LRP2BP: variants seen among roughly 807,000 people sequenced by gnomAD.
The protein encoded by LRP2BP is LRP2 binding protein.
Under a neutral mutation model 45.2 loss-of-function variants are expected in LRP2BP, and 38 were observed. The observed-to-expected ratio is 0.84, with a 90% CI of 0.65 to 1.10. The LOEUF is 1.10. Among genes scored for constraint, LRP2BP ranks in the 50% least tolerant of loss-of-function variants. The pLI is 0.00. For synonymous variants in LRP2BP, 153 were observed against 153.9 expected (o/e 0.99, Z 0.04); for missense variants, 385 against 418.9 (o/e 0.92, Z 0.71).
At chr4:185,386,583 CTGTGCTT>C (rs1179973848) in intron 1 of LRP2BP, among the ~76,000 whole-genome samples, 1 of 152,180 alleles carries the variant, frequency 6.6e-6, no homozygotes, top group Non-Finnish European at 1.5e-5. Context: ...CCAGCCATTT[CTGTGCTT>C]TGGAAAAGCT....
intron 1 of LRP2BP, among the ~76,000 whole-genome samples, chr4:185,393,863 T>TAAACC (rs1156740240): frequency 5.9e-5 from 9 of 152,124 alleles, no homozygotes; most frequent in Non-Finnish European, 1.2e-4. Context: ...AAGTACTAGG[T>TAAACC]TTAGTATTGC....
intron 1 of LRP2BP, among the ~76,000 whole-genome samples, chr4:185,387,356 A>G (rs1198041918): frequency 6.6e-6 from 1 of 152,254 alleles, no homozygotes; most frequent in Non-Finnish European, 1.5e-5. Context: ...TGGAAATGCC[A>G]CACAATGTAC....
At chr4:185,386,707 G>T (rs976436373) in intron 1 of LRP2BP, among the ~76,000 whole-genome samples, 2 of 152,048 alleles carry the variant, frequency 1.3e-5, no homozygotes, top group Non-Finnish European at 2.9e-5. Context: ...TGGACCTTAA[G>T]AGACTACACC....
In LRP2BP at chr4:185,370,734, C is replaced by A. The variant is rs996962500; in HGVS notation, c.884G>T (p.Gly295Val). Residue 295 changes from glycine (G) to valine (V), a missense_variant, in exon 8 of 9, where the codon GGC becomes GTC. Physicochemically the swap from Gly to Val is moderately radical, Grantham distance 109. Coordinates refer to ENST00000505916, the MANE Select transcript of LRP2BP (RefSeq NM_001377440.1). ...TDCLPEFIGRGMAMASFYHAR... is the reference protein window; with the variant it reads ...TDCLPEFIGRVMAMASFYHAR... ...GTGGTAGAAGGATGCCATTGCCATG[C>A]CTCTGCCGATGAACTCCGGGAGACA... 5.0e-6 allele frequency: 8 copies of A among 1,613,972 alleles called. No homozygotes were observed. Among genetic ancestry groups the A allele is most frequent in the Non-Finnish European group, 6.8e-6 (8 of 1,180,038 alleles).
chr4:185,371,386 C>T (rs1391458122), intron 7 of LRP2BP, among the ~76,000 whole-genome samples: 3 of 151,550 alleles, frequency 2.0e-5, no homozygotes. Context: ...AAAAAAGATA[C>T]AAAAAATTAG....
At chr4:185,376,522 G>A (rs1194126794) in intron 3 of LRP2BP, among the ~76,000 whole-genome samples, 1 of 142,556 alleles carries the variant, frequency 7.0e-6, no homozygotes, top group Non-Finnish European at 1.5e-5. Flanking sequence ...TACAACTCCT[G>A]ACCTCAGGTG....
upstream of LRP2BP, chr4:185,396,610 T>C: frequency 2.4e-6 from 1 of 420,206 alleles, no homozygotes; most frequent in Non-Finnish European, 4.3e-6. Flanking sequence ...GCCTGACGCA[T>C]CCACAGCTGG....
chr4:185,394,495 G>C lies in LRP2BP; in HGVS notation c.-22+284C>G, dbSNP rs144585555. Among the ~76,000 whole-genome samples the C allele has an allele frequency of 1.5e-3, 228 of 152,270 alleles. 1 individual carries two copies. The highest frequency in any genetic ancestry group is 4.4e-3 in the African/African-American group (181 of 41,546). ...TGTAAAATGCAGATAATACCTATGA[G>C]CGTTAGTCTTGAGGCACAAGTGCTC... On this transcript the variant is annotated intron_variant, in intron 1 of 8. Transcript: ENST00000505916.
chr4:185,395,987 T>C (rs911278768), upstream of LRP2BP: 2 of 853,032 alleles, frequency 2.3e-6, no homozygotes, highest in African/African-American at 1.8e-5. Context: ...CAAAAAGCAG[T>C]GACGCACGCC....
rs758927819 is a variant in LRP2BP, at chr4:185,385,916, G to GGGGGGT, written c.-21-7710_-21-7709insACCCCC. Among the ~76,000 whole-genome samples the GGGGGGT allele has an allele frequency of 2.8e-4, 39 of 138,076 alleles. 1 individual carries two copies. Among genetic ancestry groups the GGGGGGT allele is most frequent in the South Asian group, 1.9e-3 (8 of 4,202 alleles). 90.6% of individuals were successfully genotyped at this position (138,076 alleles called of 152,430 possible). A position where few individuals can be genotyped will look rare whatever the true frequency, so the allele number is the denominator to read the frequency against. ...ACTCTGTCTCGGGGAGGGGGGGGGG[G>GGGGGGT]AGATAAAGAAATAACATCATCTTAT... On this transcript the variant is annotated intron_variant, in intron 1 of 8. Transcript: ENST00000505916.
At chr4:185,390,424 C>G (rs1178474784) in intron 1 of LRP2BP, among the ~76,000 whole-genome samples, 1 of 150,848 alleles carries the variant, frequency 6.6e-6, no homozygotes, top group East Asian at 1.9e-4. Flanking sequence ...GAGGCTGAGG[C>G]AGGAGAATCG....
chr4:185,378,806 T>A (rs1366507070), intron 1 of LRP2BP: 2 of 985,462 alleles, frequency 2.0e-6, no homozygotes, highest in Non-Finnish European at 2.4e-6. Flanking sequence ...TGGCCTAGGC[T>A]GAGGGTAGTG....
chr4:185,387,016 T>C (rs1002732414), intron 1 of LRP2BP, among the ~76,000 whole-genome samples: 2 of 152,078 alleles, frequency 1.3e-5, no homozygotes, highest in African/African-American at 4.8e-5. Context: ...GAGGCCAAGG[T>C]GGGCAGATCA....
Position 185,375,293 on chromosome 4 carries a change from C to T in LRP2BP, c.330+320G>A, listed in dbSNP as rs576399858. 2.5e-3 allele frequency among the ~76,000 whole-genome samples: 363 copies of T among 147,876 alleles called. 3 individuals are homozygous for T. Among genetic ancestry groups the T allele is most frequent in the Middle Eastern group, 0.014 (4 of 290 alleles). ...CCAACATGGTGAAATCCTGTCTCTA[C>T]TAAAACTACAAAAATTAGCCAGGCG... is the stretch of plus-strand genomic sequence containing the variant. On this transcript the variant is annotated intron_variant, in intron 4 of 8. Coordinates refer to ENST00000505916, the MANE Select transcript of LRP2BP (RefSeq NM_001377440.1).
Position 185,395,920 on chromosome 4 carries a change from A to G in LRP2BP, c.-1163T>C. On this transcript the variant is annotated 5_prime_UTR_variant, in exon 1 of 9. Coordinates refer to ENST00000505916, the MANE Select transcript of LRP2BP (RefSeq NM_001377440.1). ...TCCTTCTGGAAAGACGCTTAGGGAG[A>G]GTCTAGGGAGCAGCTCTGACGTCAG... is the stretch of plus-strand genomic sequence containing the variant. 1 of 985,208 alleles carries G rather than the reference A, an allele frequency of 1.0e-6. No homozygotes were observed. The highest frequency in any genetic ancestry group is 1.7e-5 in the African/African-American group (1 of 57,330). The allele number at this position is 985,208 out of a possible 1,614,324, so 61.0% of individuals were successfully genotyped here.
At chr4:185,373,511 G>A (rs566855370) in intron 6 of LRP2BP, among the ~76,000 whole-genome samples, 10 of 152,290 alleles carry the variant, frequency 6.6e-5, no homozygotes, top group African/African-American at 2.2e-4. Flanking sequence ...AGACAACCCA[G>A]GATAAACGCT....
At chr4:185,376,443 C>CTTTTTTTT (rs34024562) in intron 3 of LRP2BP, among the ~76,000 whole-genome samples, 63 of 105,780 alleles carry the variant, frequency 6.0e-4, no homozygotes, top group African/African-American at 1.6e-3. Flanking sequence ...TGCCCAGCTA[C>CTTTTTTTT]TTTTTTTTTT....
intron 1 of LRP2BP, 40 bp from the exon 2 acceptor site, chr4:185,378,247 C>A: frequency 2.5e-6 from 4 of 1,600,654 alleles, no homozygotes; most frequent in Non-Finnish European, 3.4e-6. Flanking sequence ...GAAATTTCTT[C>A]CTCCAGCGAA....
In LRP2BP at chr4:185,395,887, T is replaced by C. The variant is rs1055514; in HGVS notation, c.-1130A>G. ...AACACTCGGCTGGAGCTTTGGTTTCTAAGCAGATCCTTCTGGAAAGACGCT... is the reference window on the plus strand; with the variant it reads ...AACACTCGGCTGGAGCTTTGGTTTCCAAGCAGATCCTTCTGGAAAGACGCT... On this transcript the variant is annotated 5_prime_UTR_variant, in exon 1 of 9. Coordinates refer to ENST00000505916, the MANE Select transcript of LRP2BP (RefSeq NM_001377440.1). 0.043 allele frequency: 42,472 copies of C among 985,396 alleles called. 970 individuals are homozygous for C. The highest frequency in any genetic ancestry group is 0.089 in the Middle Eastern group (171 of 1,914). The allele number at this position is 985,396 out of a possible 1,614,324, so 61.0% of individuals were successfully genotyped here.
Sources: gnomAD v4.1 joint callset for allele counts (sites outside exome capture counted in the v4.1 genomes callset) on GRCh38, gnomAD v4.1.1 for gene constraint, MANE v1.5 for transcripts, NCBI Gene and HGNC (gene_info 2026-07-23, HGNC 2026-07-21) for gene names.